SVIL: variants seen among roughly 807,000 people sequenced by gnomAD.
SVIL encodes the protein archvillin.
Under a neutral mutation model 240.4 loss-of-function variants are expected in SVIL, and 101 were observed. The observed-to-expected ratio is 0.42, with a 90% CI of 0.36 to 0.50. The LOEUF (loss-of-function observed/expected upper bound fraction) is 0.50. Ranked by LOEUF, SVIL falls within the 20% of genes least tolerant of loss-of-function variation. SVIL has a pLI of 0.01. For missense variants in SVIL, 2,512 were observed against 2,818.7 expected (o/e 0.89, Z 2.46); for synonymous variants, 999 against 1,100.0 (o/e 0.91, Z 1.82).
chr10:29,458,662 A>T lies in SVIL; in HGVS notation c.6403-73T>A, dbSNP rs368457709. ...AACTTGTTTTATTAAGTGCTTACAG[A>T]CACACAGCCCTGTGCCACCTGCATA... On this transcript the variant is annotated intron_variant, in intron 36 of 37. Coordinates refer to ENST00000355867, the MANE Select transcript of SVIL (RefSeq NM_021738.3). 9.0e-4 allele frequency: 1,387 copies of T among 1,542,216 alleles called. 25 individuals are homozygous for T. In the South Asian group the frequency reaches 0.015, roughly 17 times the overall value.
intron 1 of SVIL, among the ~76,000 whole-genome samples, chr10:29,719,241 C>T (rs1963829023): frequency 6.6e-6 from 1 of 152,112 alleles, no homozygotes. Context: ...TGGTGATGAC[C>T]TTAAGCAATA....
intron 28 of SVIL, among the ~76,000 whole-genome samples, chr10:29,481,224 T>G (rs899428343): frequency 2.0e-5 from 3 of 151,654 alleles, no homozygotes; most frequent in African/African-American, 7.3e-5. Context: ...GTATTTTAGT[T>G]GACACATTAT....
intron 10 of SVIL, 142 bp downstream of exon 10, chr10:29,531,112 T>C (rs865832347): frequency 5.3e-6 from 4 of 757,470 alleles, no homozygotes; most frequent in African/African-American, 3.5e-5. Flanking sequence ...GATTTTATCA[T>C]ATCCACAGAA....
chr10:29,586,501 C>T (rs576320995), intron 1 of SVIL, among the ~76,000 whole-genome samples: 4 of 152,182 alleles, frequency 2.6e-5, no homozygotes, highest in East Asian at 1.9e-4. Flanking sequence ...TTGTGGCAGC[C>T]GTGGAACGCA....
At chr10:29,548,239 C>T (rs918415490) in intron 6 of SVIL, among the ~76,000 whole-genome samples, 2 of 152,032 alleles carry the variant, frequency 1.3e-5, no homozygotes, top group African/African-American at 2.4e-5. Flanking sequence ...AGGTGTGCAC[C>T]CCTGTGTCCC....
At chr10:29,639,405 G>A (rs528651093), upstream of SVIL, among the ~76,000 whole-genome samples, 4 of 151,186 alleles carry the variant, frequency 2.6e-5, no homozygotes, top group Non-Finnish European at 4.4e-5. Flanking sequence ...TCTCGATTTC[G>A]TGATCTGCTC....
At chr10:29,564,663 C>T (rs914105177) in intron 2 of SVIL, among the ~76,000 whole-genome samples, 4 of 152,262 alleles carry the variant, frequency 2.6e-5, no homozygotes, top group South Asian at 4.1e-4. Context: ...CCACACAGTC[C>T]AAAGCACAGC....
chr10:29,493,895 C>A (rs902123422), intron 20 of SVIL, among the ~76,000 whole-genome samples: 3 of 152,166 alleles, frequency 2.0e-5, no homozygotes, highest in African/African-American at 7.2e-5. Flanking sequence ...AAAAACAGGG[C>A]TGGGCATGGT....
chr10:29,480,476 C>A, intron 29 of SVIL, 61 bp downstream of exon 29: 2 of 1,585,088 alleles, frequency 1.3e-6, no homozygotes, highest in Non-Finnish European at 1.7e-6. Context: ...GAGAAGCTGG[C>A]TCCCGCAGGG....
At chr10:29,520,099 C>A (rs1017925747) in intron 16 of SVIL, among the ~76,000 whole-genome samples, 2 of 152,226 alleles carry the variant, frequency 1.3e-5, no homozygotes, top group African/African-American at 2.4e-5. Context: ...TGGATAGACA[C>A]AGGACTTCTT....
At position 29,508,616 on chromosome 10, in the gene SVIL, G is replaced by A. The variant is rs535892923; in HGVS notation, c.3516+4119C>T. 4.2e-5 allele frequency: 15 copies of A among 353,048 alleles called. 1 individual carries two copies. The highest frequency in any genetic ancestry group is 2.3e-4 in the South Asian group (11 of 46,832). The allele number at this position is 353,048 out of a possible 1,614,324, so 21.9% of individuals were successfully genotyped here. ...CAGCCTTTCTCTCCCTCCCATCCTC[G>A]CACTTTAAAGTGACTTCATTCTCCT... On this transcript the variant is annotated intron_variant, in intron 17 of 37. Transcript: ENST00000355867.
intron 1 of SVIL, among the ~76,000 whole-genome samples, chr10:29,621,377 C>T (rs957875640): frequency 2.6e-5 from 4 of 152,172 alleles, no homozygotes; most frequent in East Asian, 1.9e-4. Flanking sequence ...GAGCTCTGTG[C>T]GTTGGCAGGG....
Position 29,575,630 on chromosome 10 carries a change from C to A in SVIL, c.-200-6318G>T, listed in dbSNP as rs183277126. ...TCTCTCACTGGATGATTTAGTAAGC[C>A]CTACTGGTGCTATTCTATTGAGTGG... On this transcript the variant is annotated intron_variant, in intron 1 of 37. Coordinates refer to ENST00000355867, the MANE Select transcript of SVIL (RefSeq NM_021738.3). Among the ~76,000 whole-genome samples the A allele has an allele frequency of 3.9e-5, 6 of 152,220 alleles. No homozygotes were observed. In the East Asian group the frequency reaches 1.2e-3, roughly 29 times the overall value.
intron 17 of SVIL, chr10:29,508,436 A>G: frequency 7.8e-7 from 1 of 1,283,856 alleles, no homozygotes; most frequent in South Asian, 1.2e-5. Context: ...TTGGAAGAGA[A>G]GAGCCTGGTC....
chr10:29,496,334 C>T, intron 18 of SVIL: 1 of 448,592 alleles, frequency 2.2e-6, no homozygotes, highest in Non-Finnish European at 4.5e-6. Flanking sequence ...AGAAAGTAAA[C>T]TTTCTTGAAA....
At chr10:29,533,846 C>T (rs185677488) in intron 7 of SVIL, among the ~76,000 whole-genome samples, 20 of 152,284 alleles carry the variant, frequency 1.3e-4, no homozygotes, top group African/African-American at 2.4e-4. Flanking sequence ...CTCATGTACA[C>T]GCCCAGAACA....
intron 2 of SVIL, among the ~76,000 whole-genome samples, chr10:29,660,831 C>G (rs1959136508): frequency 6.6e-6 from 1 of 152,108 alleles, no homozygotes; most frequent in African/African-American, 2.4e-5. Flanking sequence ...AGAAGAAAAT[C>G]TGCAGTGAAA....
At chr10:29,561,488 C>T (rs35299417) in intron 3 of SVIL, among the ~76,000 whole-genome samples, 6,824 of 152,298 alleles carry the variant, frequency 0.045, 221 homozygotes, top group South Asian at 0.14. Flanking sequence ...GCCTAATAAA[C>T]TTTTCTCAGC....
At chr10:29,711,314 C>T (rs7894014) in intron 1 of SVIL, among the ~76,000 whole-genome samples, 30,436 of 151,914 alleles carry the variant, frequency 0.2, 2,906 homozygotes, top group East Asian at 0.38. Flanking sequence ...GCAGGAGAAC[C>T]ACTTGAACCT....
Sources: gnomAD v4.1 joint callset for allele counts (sites outside exome capture counted in the v4.1 genomes callset) on GRCh38, gnomAD v4.1.1 for gene constraint, MANE v1.5 for transcripts, NCBI Gene and HGNC (gene_info 2026-07-23, HGNC 2026-07-21) for gene names.